The following VPS54 variants were observed in gnomAD, a reference collection of about 807,000 sequenced individuals.
VPS54 encodes vacuolar protein sorting-associated protein 54.
VPS54 carries 45 observed loss-of-function variants against 121.5 expected under a neutral mutation model. That is an observed-to-expected ratio of 0.37 (90% CI 0.29 to 0.47). The LOEUF is 0.47. VPS54 is among the 20% of genes least tolerant of loss of function. The pLI is 0.99. For missense variants in VPS54, 1,090 were observed against 1,131.4 expected (o/e 0.96, Z 0.52); for synonymous variants, 371 against 385.8 (o/e 0.96, Z 0.45).
At chr2:63,939,267 G>C (rs1216945110) in intron 11 of VPS54, among the ~76,000 whole-genome samples, 1 of 151,994 alleles carries the variant, frequency 6.6e-6, no homozygotes, top group South Asian at 2.1e-4. Flanking sequence ...AGCTACTCAG[G>C]TGGCTGAGGC....
chr2:64,003,237 C>T (rs576084964), intron 1 of VPS54, among the ~76,000 whole-genome samples: 67 of 152,282 alleles, frequency 4.4e-4, no homozygotes, highest in African/African-American at 1.6e-3. Context: ...GCACTAAACA[C>T]AGGGAACTAC....
intron 1 of VPS54, among the ~76,000 whole-genome samples, chr2:64,018,254 T>A (rs558967462): frequency 1.3e-3 from 193 of 151,748 alleles, no homozygotes; most frequent in South Asian, 2.1e-3. Context: ...AAGAAAAAAA[T>A]TTTTTTTTGA....
intron 5 of VPS54, among the ~76,000 whole-genome samples, chr2:63,967,545 C>T (rs1430490694): frequency 6.6e-6 from 1 of 151,578 alleles, no homozygotes; most frequent in Non-Finnish European, 1.5e-5. Context: ...GTGGCAAAAC[C>T]CCGTCTCTTC....
rs983644163 is a variant in VPS54, at chr2:64,004,981, T to C, written c.-21+13957A>G. ...TTTGTAGAGACGAGGTCTCACTATG[T>C]TGTCCAGGCTGGTCCTGAACTCCTG... On this transcript the variant is annotated intron_variant, in intron 1 of 22. Transcript: ENST00000272322. 2.6e-5 allele frequency among the ~76,000 whole-genome samples: 4 copies of C among 151,822 alleles called. No homozygotes were observed. The East Asian group carries it at 7.7e-4, about 29-fold the overall frequency.
intron 1 of VPS54, among the ~76,000 whole-genome samples, chr2:64,010,359 T>C (rs1678374081): frequency 6.6e-6 from 1 of 152,164 alleles, no homozygotes; most frequent in Non-Finnish European, 1.5e-5. Context: ...TTTCTCCAAA[T>C]TTACAAGTAC....
chr2:63,980,937 A>G (rs1329959237), intron 3 of VPS54, among the ~76,000 whole-genome samples: 1 of 152,108 alleles, frequency 6.6e-6, no homozygotes, highest in Non-Finnish European at 1.5e-5. Context: ...ATTTGATAGG[A>G]ATAAAAATGA....
At chr2:63,919,822 T>A in intron 15 of VPS54, 61 bp downstream of exon 15, 1 of 1,251,286 alleles carries the variant, frequency 8.0e-7, no homozygotes, top group Non-Finnish European at 1.1e-6. Flanking sequence ...ATATTAAGCA[T>A]TAATACAAAA....
At chr2:63,902,577 A>G (rs1273758084) in intron 20 of VPS54, among the ~76,000 whole-genome samples, 2 of 152,226 alleles carry the variant, frequency 1.3e-5, no homozygotes, top group African/African-American at 2.4e-5. Context: ...AAAATATACA[A>G]AAAAGAAAAC....
At chr2:63,899,645 T>C in intron 20 of VPS54, 64 bp from the exon 21 acceptor site, 7 of 1,314,684 alleles carry the variant, frequency 5.3e-6, no homozygotes, top group Non-Finnish European at 7.6e-6. Context: ...TCTCCACCAT[T>C]CCCTGAGACA....
At chr2:63,909,580 C>T (rs552357132) in intron 20 of VPS54, among the ~76,000 whole-genome samples, 5 of 151,398 alleles carry the variant, frequency 3.3e-5, no homozygotes, top group South Asian at 2.1e-4. Context: ...CTACCATGCC[C>T]GGCTAATTTT....
intron 1 of VPS54, among the ~76,000 whole-genome samples, chr2:64,013,548 T>C (rs1218460905): frequency 6.8e-6 from 1 of 147,572 alleles, no homozygotes; most frequent in Non-Finnish European, 1.5e-5. Flanking sequence ...TAAATGCTGA[T>C]ATATATATAT....
At chr2:63,953,587 T>G (rs773996295) in intron 7 of VPS54, among the ~76,000 whole-genome samples, 1 of 152,232 alleles carries the variant, frequency 6.6e-6, no homozygotes, top group Non-Finnish European at 1.5e-5. Flanking sequence ...CCATTGAGAA[T>G]GCATGCTGTA....
chr2:63,944,763 C>G (rs1041545743), intron 9 of VPS54, 108 bp from the exon 10 acceptor site: 7 of 866,436 alleles, frequency 8.1e-6, no homozygotes, highest in Admixed American at 6.0e-5. Context: ...TATGAACAGA[C>G]ACTTTTCAAA....
intron 5 of VPS54, among the ~76,000 whole-genome samples, chr2:63,966,380 T>TA (rs1288281825): frequency 2.0e-5 from 3 of 152,246 alleles, no homozygotes; most frequent in Non-Finnish European, 4.4e-5. Flanking sequence ...AAAATTGTTT[T>TA]AAAATTAGTT....
chr2:64,013,509 T>C (rs1263880527), intron 1 of VPS54, among the ~76,000 whole-genome samples: 2 of 150,894 alleles, frequency 1.3e-5, no homozygotes, highest in African/African-American at 2.4e-5. Flanking sequence ...GATTTAAGTA[T>C]AGAGTATACA....
chr2:63,962,581 T>A, intron 6 of VPS54, 138 bp from the exon 7 acceptor site: 1 of 1,110,350 alleles, frequency 9.0e-7, no homozygotes, highest in Non-Finnish European at 1.2e-6. Flanking sequence ...GTGAGATCCT[T>A]GAAATTGGGC....
In VPS54 at chr2:63,919,968, C is replaced by A. The variant is rs1226254917; in HGVS notation, c.2079G>T (p.Lys693Asn). Residue 693 changes from lysine to asparagine, a missense_variant, in exon 15 of 23, where the codon AAG (lysine) becomes AAT (asparagine). Coordinates refer to ENST00000272322, the MANE Select transcript of VPS54 (RefSeq NM_016516.3). ...GAAATTCTGCAGGAACATCTGCTTGCTTCCAGCGCTCATTGTCTAAGAGGA... is the reference window on the plus strand; with the variant it reads ...GAAATTCTGCAGGAACATCTGCTTGATTCCAGCGCTCATTGTCTAAGAGGA... ...LSLLLDNERWKQADVPAEFQD... is the reference protein window; with the variant it reads ...LSLLLDNERWNQADVPAEFQD... 1.2e-6 allele frequency: 2 copies of A among 1,611,836 alleles called. No homozygotes were observed. Among genetic ancestry groups the A allele is most frequent in the African/African-American group, 2.7e-5 (2 of 74,838 alleles).
chr2:63,959,957 T>C (rs1293618594), intron 7 of VPS54, among the ~76,000 whole-genome samples: 4 of 150,888 alleles, frequency 2.7e-5, no homozygotes, highest in East Asian at 1.9e-4. Context: ...GAGGAGGAGG[T>C]TGCAGTGAAC....
chr2:63,928,251 G>C (rs1277433027), intron 12 of VPS54, among the ~76,000 whole-genome samples: 1 of 152,126 alleles, frequency 6.6e-6, no homozygotes, highest in Non-Finnish European at 1.5e-5. Context: ...AAATGTTAAG[G>C]GCAGCCAGAG....
Sources: allele counts gnomAD v4.1 joint callset (sites outside exome capture counted in the v4.1 genomes callset), GRCh38; gene constraint gnomAD v4.1.1; transcripts MANE v1.5; gene names NCBI Gene and HGNC (gene_info 2026-07-23, HGNC 2026-07-21).